ITGA7: variants seen among roughly 807,000 people sequenced by gnomAD.
The protein encoded by ITGA7 is integrin alpha-7.
ITGA7 carries 84 observed loss-of-function variants against 131.6 expected under a neutral mutation model. The observed-to-expected ratio is 0.64, with a 90% CI of 0.54 to 0.77. ITGA7 has a LOEUF of 0.77. Among genes scored for constraint, ITGA7 ranks in the 30% least tolerant of loss-of-function variants. The probability of loss-of-function intolerance (pLI) is 0.00; values close to 1 mark genes in which losing one functional copy is unlikely to be tolerated. For synonymous variants in ITGA7, 548 were observed against 600.7 expected (o/e 0.91, Z 1.28); for missense variants, 1,399 against 1,482.9 (o/e 0.94, Z 0.93).
chr12:55,695,742 T>C, intron 13 of ITGA7, 105 bp from the exon 14 acceptor site: 1 of 779,368 alleles, frequency 1.3e-6, no homozygotes, highest in South Asian at 1.4e-5. Context: ...TTAAACAACC[T>C]GTCCTCAACT....
chr12:55,686,316 T>C, intron 24 of ITGA7: 1 of 1,328,916 alleles, frequency 7.5e-7, no homozygotes, highest in Non-Finnish European at 9.9e-7. Context: ...GAAGCCACAC[T>C]AGGATGTCGA....
upstream of ITGA7, among the ~76,000 whole-genome samples, chr12:55,709,070 G>A (rs117137707): frequency 3.2e-4 from 48 of 152,260 alleles, no homozygotes; most frequent in East Asian, 9.1e-3. Context: ...ACTGGTGTTG[G>A]TCTTGTGAAT....
At chr12:55,703,845 C>A (rs1217292852) in intron 1 of ITGA7, among the ~76,000 whole-genome samples, 2 of 152,168 alleles carry the variant, frequency 1.3e-5, no homozygotes, top group Non-Finnish European at 2.9e-5. Context: ...ATTCTCTTCC[C>A]GACATCCTGA....
intron 3 of ITGA7, among the ~76,000 whole-genome samples, chr12:55,702,154 T>G (rs1012153735): frequency 6.6e-6 from 1 of 150,720 alleles, no homozygotes; most frequent in African/African-American, 2.4e-5. Flanking sequence ...TACCTGGGAT[T>G]ACAGGCGCCT....
upstream of ITGA7, among the ~76,000 whole-genome samples, chr12:55,709,540 G>A (rs1875850364): frequency 6.6e-6 from 1 of 152,128 alleles, no homozygotes; most frequent in Non-Finnish European, 1.5e-5. Context: ...CAGCAGGGCT[G>A]GCACCAGGAT....
intron 6 of ITGA7, 65 bp downstream of exon 6, chr12:55,698,645 C>A: frequency 6.2e-7 from 1 of 1,610,758 alleles, no homozygotes; most frequent in Non-Finnish European, 8.5e-7. Flanking sequence ...GGCTAAGTGG[C>A]CTCAGCCAGA....
chr12:55,698,319 G>A, intron 7 of ITGA7, 64 bp downstream of exon 7: 3 of 1,449,978 alleles, frequency 2.1e-6, no homozygotes, highest in South Asian at 1.3e-5. Flanking sequence ...CCTGACCTCT[G>A]AGGGGCTTCC....
chr12:55,687,600 C>T (rs1440734614), intron 24 of ITGA7, among the ~76,000 whole-genome samples: 1 of 151,180 alleles, frequency 6.6e-6, no homozygotes, highest in Non-Finnish European at 1.5e-5. Context: ...AATCGATTCT[C>T]CTGCCTCAGC....
intron 19 of ITGA7, 35 bp from the exon 20 acceptor site, chr12:55,693,352 C>T: frequency 1.4e-6 from 2 of 1,480,156 alleles, no homozygotes; most frequent in African/African-American, 2.8e-5. Flanking sequence ...GGAGAGACCT[C>T]AGTTTTTCTT....
intron 12 of ITGA7, 150 bp downstream of exon 12, chr12:55,696,749 G>T: frequency 1.1e-6 from 1 of 886,848 alleles, no homozygotes; most frequent in Non-Finnish European, 1.8e-6. Flanking sequence ...CAGCAGATGA[G>T]GAGGAAGTGA....
intron 21 of ITGA7, among the ~76,000 whole-genome samples, chr12:55,691,807 G>A (rs978506019): frequency 6.6e-6 from 1 of 152,102 alleles, no homozygotes; most frequent in African/African-American, 2.4e-5. Flanking sequence ...GGGAGCTGAG[G>A]GCCCAAAGCA....
At position 55,696,928 on chromosome 12, in the gene ITGA7, C is replaced by A. The variant is rs1303124077; in HGVS notation, c.1708G>T (p.Val570Phe). The A allele has an allele frequency of 6.2e-7, 1 of 1,614,222 alleles. No individual in the cohort carries two copies. Among genetic ancestry groups the A allele is most frequent in the Admixed American group, 1.7e-5 (1 of 60,030 alleles). ...TVWLKHQHDRVCGDAMFQLQE... is the reference protein window; with the variant it reads ...TVWLKHQHDRFCGDAMFQLQE... ...AGCTGGAACATGGCGTCTCCACAGA[C>A]TCGGTCATGCTGGTGCTTCAGCCAC... The change falls in exon 12 of 25, where the codon GTC (valine) becomes TTC (phenylalanine). Residue 570 changes from valine to phenylalanine, a missense_variant. Transcript: ENST00000257879.
chr12:55,694,056 G>C lies in ITGA7; in HGVS notation c.2500C>G (p.Arg834Gly), dbSNP rs770155717. The change falls in exon 19 of 25, where the codon CGG (arginine) becomes GGG (glycine). Residue 834 changes from arginine (R) to glycine (G), a missense_variant. Physicochemically the swap from Arg to Gly is moderately radical, Grantham distance 125 (BLOSUM62 -2). Coordinates refer to ENST00000257879, the MANE Select transcript of ITGA7 (RefSeq NM_002206.3). This position sits in a 1 kb window ranked among gnomAD's most constrained non-coding sequence, Gnocchi z 5.3. ...TACTTGACCTTGCTGCCCACATCCCGCTCAGACTGCATGGCTCTCTCGCCC... is the reference window on the plus strand; with the variant it reads ...TACTTGACCTTGCTGCCCACATCCCCCTCAGACTGCATGGCTCTCTCGCCC... ...VRGERAMQSERDVGSKVKYEV... is the reference protein window; with the variant it reads ...VRGERAMQSEGDVGSKVKYEV... 1 of 1,613,934 alleles carries C rather than the reference G, an allele frequency of 6.2e-7. No homozygotes were observed. Among genetic ancestry groups the C allele is most frequent in the Non-Finnish European group, 8.5e-7 (1 of 1,179,952 alleles).
intron 21 of ITGA7, among the ~76,000 whole-genome samples, chr12:55,690,770 C>T (rs1871259383): frequency 2.0e-5 from 3 of 151,010 alleles, no homozygotes; most frequent in African/African-American, 2.4e-5. Flanking sequence ...GGCACATATA[C>T]ACCATGGAAT....
Position 55,698,921 on chromosome 12 carries a change from G to C in ITGA7, c.791-4C>G. ...TTCCCCGAGTCAATAGAGAAGCCTG[G>C]GGGAAGGGTGACTTACCCCTAAGTC... On this transcript the variant is annotated splice_region_variant and splice_polypyrimidine_tract_variant and intron_variant, in intron 5 of 24. Transcript: ENST00000257879. 16 of 1,605,774 alleles carry C rather than the reference G, an allele frequency of 1.0e-5. No individual in the cohort carries two copies. The highest frequency in any genetic ancestry group is 1.4e-5 in the Non-Finnish European group (16 of 1,176,168).
At chr12:55,688,980 G>A (rs1452327373) in intron 21 of ITGA7, 23 bp from the exon 22 acceptor site, 3 of 1,591,794 alleles carry the variant, frequency 1.9e-6, no homozygotes, top group East Asian at 4.5e-5. Context: ...ACAGACAGGG[G>A]TCTAAGCCAC....
upstream of ITGA7, among the ~76,000 whole-genome samples, chr12:55,714,517 C>CAAAAAAAAAAAAAA (rs35046301): frequency 5.5e-4 from 66 of 120,398 alleles, 2 homozygotes; most frequent in African/African-American, 1.7e-3. Context: ...GACTCCGTCT[C>CAAAAAAAAAAAAAA]AAAAAAAAAA....
At chr12:55,685,382 C>G (rs534978875) in intron 24 of ITGA7, 94 bp from the exon 25 acceptor site, 1 of 1,138,666 alleles carries the variant, frequency 8.8e-7, no homozygotes, top group East Asian at 2.4e-5. Flanking sequence ...CCCTCACCAT[C>G]CCTGCTGCGG....
intron 23 of ITGA7, 49 bp downstream of exon 23, chr12:55,688,153 C>A (rs1322278804): frequency 6.2e-7 from 1 of 1,613,800 alleles, no homozygotes. Context: ...CTGGAGGGAG[C>A]AGGAAAGAAG....
Sources: allele counts gnomAD v4.1 joint callset (sites outside exome capture counted in the v4.1 genomes callset), GRCh38; gene constraint gnomAD v4.1.1; non-coding constraint Gnocchi (gnomAD v3.1); transcripts MANE v1.5; gene names NCBI Gene and HGNC (gene_info 2026-07-23, HGNC 2026-07-21).